SRPK2: variants seen among roughly 807,000 people sequenced by gnomAD.
The protein encoded by SRPK2 is SRSF protein kinase 2, also known as SFRS protein kinase 2.
Under a neutral mutation model 90.8 loss-of-function variants are expected in SRPK2, and 21 were observed. The observed-to-expected ratio is 0.23, with a 90% CI of 0.16 to 0.33. The LOEUF (loss-of-function observed/expected upper bound fraction) is 0.33, where lower values mean the gene tolerates loss of function less well. SRPK2 is among the 10% of genes least tolerant of loss of function. The pLI, the probability that SRPK2 is intolerant of heterozygous loss-of-function variation, is 1.00. For missense variants in SRPK2, 620 were observed against 869.0 expected (o/e 0.71, Z 3.60); for synonymous variants, 288 against 311.1 (o/e 0.93, Z 0.78).
intron 2 of SRPK2, among the ~76,000 whole-genome samples, chr7:105,266,634 A>C (rs1805120719): frequency 2.0e-5 from 3 of 152,164 alleles, no homozygotes. Context: ...CCATGCCTCA[A>C]ACCATTAACT....
At chr7:105,313,435 A>T (rs975657773) in intron 2 of SRPK2, among the ~76,000 whole-genome samples, 3 of 136,930 alleles carry the variant, frequency 2.2e-5, no homozygotes, top group African/African-American at 8.5e-5. Context: ...CAACAGAGTG[A>T]GACTCCATCT....
At chr7:105,294,298 A>G (rs1809487059) in intron 2 of SRPK2, among the ~76,000 whole-genome samples, 1 of 152,218 alleles carries the variant, frequency 6.6e-6, no homozygotes. Context: ...TTTTGTATTC[A>G]AATGTTAGGT....
intron 2 of SRPK2, among the ~76,000 whole-genome samples, chr7:105,249,982 C>T (rs1233816100): frequency 2.0e-5 from 3 of 152,118 alleles, no homozygotes; most frequent in Admixed American, 2.0e-4. Context: ...TGCCCATGTG[C>T]CTCTCAAAGC....
At chr7:105,167,969 T>G in intron 5 of SRPK2, 39 bp downstream of exon 5, 1 of 1,487,458 alleles carries the variant, frequency 6.7e-7, no homozygotes, top group South Asian at 1.3e-5. Context: ...TTTAAGTCAT[T>G]AAGTTTTCTT....
At chr7:105,183,523 G>C (rs1411857772) in intron 3 of SRPK2, among the ~76,000 whole-genome samples, 1 of 152,128 alleles carries the variant, frequency 6.6e-6, no homozygotes, top group Non-Finnish European at 1.5e-5. Flanking sequence ...GTCTCACTCT[G>C]TTGCCCAGGC....
At chr7:105,379,291 A>T (rs1260927931) in intron 2 of SRPK2, among the ~76,000 whole-genome samples, 1 of 152,096 alleles carries the variant, frequency 6.6e-6, no homozygotes, top group Non-Finnish European at 1.5e-5. Context: ...AAAAAACACC[A>T]TGTAACAACC....
chr7:105,150,407 C>A (rs1377875012), intron 7 of SRPK2, among the ~76,000 whole-genome samples: 1 of 152,074 alleles, frequency 6.6e-6, no homozygotes. Context: ...AGGTAGCACA[C>A]GCCTGTAATC....
At chr7:105,391,236 G>A (rs1822174777), upstream of SRPK2, among the ~76,000 whole-genome samples, 3 of 149,778 alleles carry the variant, frequency 2.0e-5, no homozygotes, top group African/African-American at 7.3e-5. Context: ...ATGGAATTTC[G>A]CTCTTGTTGC....
chr7:105,147,226 G>C (rs1286808912), intron 7 of SRPK2, among the ~76,000 whole-genome samples: 5 of 152,142 alleles, frequency 3.3e-5, no homozygotes, highest in African/African-American at 1.2e-4. Flanking sequence ...CAGTAGGCTA[G>C]TAATTCATGT....
intron 2 of SRPK2, among the ~76,000 whole-genome samples, chr7:105,337,048 C>T (rs1353456577): frequency 6.6e-6 from 1 of 152,032 alleles, no homozygotes; most frequent in African/African-American, 2.4e-5. Context: ...GTGAGCCACC[C>T]ACCTCGGCCT....
intron 2 of SRPK2, chr7:105,245,029 AAACAAACAC>A (rs1384673745): frequency 4.7e-6 from 3 of 639,858 alleles, no homozygotes; most frequent in East Asian, 3.2e-5. Flanking sequence ...AAACAAAACA[AAACAAACAC>A]ACACACACAC....
chr7:105,230,393 TG>T (rs1352976540), intron 2 of SRPK2, among the ~76,000 whole-genome samples: 1 of 152,084 alleles, frequency 6.6e-6, no homozygotes, highest in Non-Finnish European at 1.5e-5. Context: ...ACACCGACAC[TG>T]GAGACCATAA....
At chr7:105,324,574 T>C (rs955331469) in intron 2 of SRPK2, among the ~76,000 whole-genome samples, 4 of 152,204 alleles carry the variant, frequency 2.6e-5, no homozygotes, top group African/African-American at 9.6e-5. Flanking sequence ...GGACTGTTGC[T>C]GTTTTAGTGA....
At chr7:105,171,223 A>C (rs747971958) in intron 3 of SRPK2, among the ~76,000 whole-genome samples, 5 of 152,194 alleles carry the variant, frequency 3.3e-5, no homozygotes, top group Non-Finnish European at 5.9e-5. Context: ...AAGCAGAATA[A>C]GCAAGCTACA....
intron 2 of SRPK2, among the ~76,000 whole-genome samples, chr7:105,327,901 C>T (rs1238897409): frequency 1.3e-5 from 2 of 152,162 alleles, no homozygotes; most frequent in Non-Finnish European, 2.9e-5. Context: ...CGCAGGTTCA[C>T]GCCATTCTCC....
chr7:105,230,216 A>T (rs2129619532), intron 2 of SRPK2, among the ~76,000 whole-genome samples: 1 of 152,336 alleles, frequency 6.6e-6, no homozygotes. Context: ...ATGATACCTA[A>T]GATGGATATG....
intron 7 of SRPK2, among the ~76,000 whole-genome samples, chr7:105,155,575 G>A (rs909196098): frequency 3.3e-5 from 5 of 152,172 alleles, no homozygotes; most frequent in African/African-American, 7.2e-5. Context: ...TGCCAGGGAC[G>A]CTGCTAAACA....
intron 2 of SRPK2, among the ~76,000 whole-genome samples, chr7:105,358,773 T>G (rs1006029123): frequency 6.6e-6 from 1 of 152,074 alleles, no homozygotes; most frequent in African/African-American, 2.4e-5. Context: ...AAAGAAGGAA[T>G]ATCTAAGCCT....
chr7:105,359,511 T>G (rs1357657931), intron 2 of SRPK2, among the ~76,000 whole-genome samples: 1 of 152,078 alleles, frequency 6.6e-6, no homozygotes, highest in African/African-American at 2.4e-5. Flanking sequence ...CTTATCAACT[T>G]CACAGTAAAA....
Sources: allele counts gnomAD v4.1 joint callset (sites outside exome capture counted in the v4.1 genomes callset), GRCh38; gene constraint gnomAD v4.1.1; transcripts MANE v1.5; gene names NCBI Gene and HGNC (gene_info 2026-07-23, HGNC 2026-07-21).